Variants in VPS37A observed in about 807,000 individuals in gnomAD.
VPS37A encodes the protein VPS37A subunit of ESCRT-I.
A neutral mutation model predicts 49.8 loss-of-function variants in VPS37A; 30 were observed. The ratio of observed to expected loss-of-function variants is 0.60; its 90% confidence interval spans 0.45 to 0.82. The LOEUF is 0.82. Among genes scored for constraint, VPS37A ranks in the 40% least tolerant of loss-of-function variants. The pLI is 0.00. For missense variants in VPS37A, 593 were observed against 464.4 expected (o/e 1.28, Z -2.55); for synonymous variants, 195 against 160.6 (o/e 1.21, Z -1.62).
the VPS37A span, among the ~76,000 whole-genome samples, chr8:17,309,715 C>T: frequency 3.8e-4 from 58 of 152,206 alleles, no homozygotes; most frequent in African/African-American, 1.1e-3. Flanking sequence ...GGAAGGAGAC[C>T]CCACTTCACA....
chr8:17,305,927 T>A, downstream of VPS37A: 1 of 1,613,548 alleles, frequency 6.2e-7, no homozygotes. Context: ...CTGGAGAGAT[T>A]TCTTTTGGGT....
chr8:17,256,215 CCT>C lies in VPS37A; in HGVS notation c.125+8847_125+8848del, dbSNP rs962822276. Among the ~76,000 whole-genome samples, 9 of 151,316 alleles carry C rather than the reference CCT, an allele frequency of 5.9e-5. No individual in the cohort carries two copies. The East Asian group carries it at 9.9e-4, about 17-fold the overall frequency. ...CCCACCAGCAGTATATCAGGGTTCC[CCT>C]GTCTCCAAATCCTTGCCAGCATTCG... On this transcript the variant is annotated intron_variant, in intron 1 of 11. Coordinates refer to ENST00000324849, the MANE Select transcript of VPS37A (RefSeq NM_152415.3).
chr8:17,265,681 A>G (rs1237844469), intron 1 of VPS37A: 3 of 1,222,702 alleles, frequency 2.5e-6, no homozygotes, highest in African/African-American at 3.0e-5. Flanking sequence ...TCTTTACATC[A>G]TCATCCCCCT....
chr8:17,274,176 A>C (rs182902839), intron 4 of VPS37A, among the ~76,000 whole-genome samples: 2 of 152,358 alleles, frequency 1.3e-5, no homozygotes, highest in Admixed American at 6.5e-5. Context: ...AATCCAAAGT[A>C]CATAATGCTG....
At chr8:17,286,511 C>T (rs3793428) in intron 11 of VPS37A, 84 bp downstream of exon 11, 1 of 1,152,568 alleles carries the variant, frequency 8.7e-7, no homozygotes, top group Non-Finnish European at 1.3e-6. Flanking sequence ...GCCTGTTCAT[C>T]AGCCTTAAGC....
chr8:17,300,659 G>T (rs1012226599), downstream of VPS37A, among the ~76,000 whole-genome samples: 2 of 152,170 alleles, frequency 1.3e-5, no homozygotes, highest in African/African-American at 4.8e-5. Context: ...ATACAATTCA[G>T]TGGTTTTTAG....
At chr8:17,275,508 G>T (rs1346942671) in intron 5 of VPS37A, among the ~76,000 whole-genome samples, 1 of 152,170 alleles carries the variant, frequency 6.6e-6, no homozygotes, top group Admixed American at 6.5e-5. Flanking sequence ...CTCTCTGGCT[G>T]CCATATAGGG....
At chr8:17,324,945 AT>A in the VPS37A span, among the ~76,000 whole-genome samples, 3 of 152,140 alleles carry the variant, frequency 2.0e-5, no homozygotes, top group African/African-American at 7.2e-5. Flanking sequence ...ATCTGGTAGA[AT>A]TTCACAGCAT....
At chr8:17,268,014 T>A (rs1408108817) in intron 2 of VPS37A, among the ~76,000 whole-genome samples, 1 of 152,204 alleles carries the variant, frequency 6.6e-6, no homozygotes, top group Non-Finnish European at 1.5e-5. Context: ...GTGAAGAATA[T>A]TCTATAATTC....
At chr8:17,277,618 C>CAG (rs1238237979) in intron 6 of VPS37A, among the ~76,000 whole-genome samples, 1 of 151,986 alleles carries the variant, frequency 6.6e-6, no homozygotes, top group Non-Finnish European at 1.5e-5. Context: ...GTAAATTTTT[C>CAG]TACCAGGTAA....
chr8:17,305,828 A>T, downstream of VPS37A: 2 of 1,613,730 alleles, frequency 1.2e-6, no homozygotes, highest in Non-Finnish European at 1.7e-6. Flanking sequence ...TGTGATGTTG[A>T]ATGTGAATCA....
intron 6 of VPS37A, 85 bp from the exon 7 acceptor site, chr8:17,279,943 C>A (rs767875437): frequency 6.7e-5 from 106 of 1,573,900 alleles, no homozygotes; most frequent in Non-Finnish European, 8.8e-5. Context: ...TATCAGTTAA[C>A]TAAAGCTGAA....
intron 9 of VPS37A, among the ~76,000 whole-genome samples, chr8:17,281,257 CCATTTTA>C (rs935886637): frequency 1.3e-5 from 2 of 151,816 alleles, no homozygotes; most frequent in African/African-American, 4.8e-5. Context: ...TTACTTTTTC[CCATTTTA>C]CATTTTACAG....
chr8:17,330,266 C>G, the VPS37A span, among the ~76,000 whole-genome samples: 1 of 152,236 alleles, frequency 6.6e-6, no homozygotes, highest in Non-Finnish European at 1.5e-5. Flanking sequence ...CCTCTTCATT[C>G]CAGAGCCTGC....
chr8:17,315,293 A>G, the VPS37A span, among the ~76,000 whole-genome samples: 4 of 152,164 alleles, frequency 2.6e-5, no homozygotes, highest in Non-Finnish European at 4.4e-5. Context: ...AGAAAAGGCA[A>G]AACTACGGAG....
intron 1 of VPS37A, among the ~76,000 whole-genome samples, chr8:17,256,532 C>A (rs962463216): frequency 6.6e-6 from 1 of 151,490 alleles, no homozygotes; most frequent in Middle Eastern, 3.2e-3. Flanking sequence ...CTCATGTATT[C>A]GGTAGTTAAT....
At chr8:17,252,027 C>T (rs1812028831) in intron 1 of VPS37A, among the ~76,000 whole-genome samples, 1 of 152,186 alleles carries the variant, frequency 6.6e-6, no homozygotes, top group African/African-American at 2.4e-5. Flanking sequence ...GACTCACACA[C>T]AAACTTGGTA....
chr8:17,325,360 A>G, the VPS37A span, among the ~76,000 whole-genome samples: 1 of 152,206 alleles, frequency 6.6e-6, no homozygotes, highest in African/African-American at 2.4e-5. Flanking sequence ...TCAATCCATC[A>G]GGCCTCAAAA....
the VPS37A span, among the ~76,000 whole-genome samples, chr8:17,325,106 G>A: frequency 2.6e-5 from 4 of 152,080 alleles, no homozygotes; most frequent in East Asian, 1.9e-4. Flanking sequence ...AATGTGTCGA[G>A]CAAAAGGGAC....
Sources: gnomAD v4.1 joint callset for allele counts (sites outside exome capture counted in the v4.1 genomes callset) on GRCh38, gnomAD v4.1.1 for gene constraint, MANE v1.5 for transcripts, NCBI Gene and HGNC (gene_info 2026-07-23, HGNC 2026-07-21) for gene names.